The following DNAH8 variants were observed in gnomAD, a reference collection of about 807,000 sequenced individuals.
The protein encoded by DNAH8 is axonemal beta dynein heavy chain 8.
Under a neutral mutation model 562.1 loss-of-function variants are expected in DNAH8, and 382 were observed. The observed-to-expected ratio is 0.68, with a 90% CI of 0.63 to 0.74. The LOEUF is 0.74. Ranked by LOEUF, DNAH8 falls within the 30% of genes least tolerant of loss-of-function variation. DNAH8 has a pLI of 0.00. For synonymous variants in DNAH8, 1,881 were observed against 1,919.4 expected (o/e 0.98, Z 0.52); for missense variants, 5,203 against 5,620.4 (o/e 0.93, Z 2.37).
chr6:38,737,679 G>T (rs1463299014), intron 6 of DNAH8, 130 bp from the exon 7 acceptor site: 1 of 324,010 alleles, frequency 3.1e-6, no homozygotes, highest in Non-Finnish European at 5.0e-6. Flanking sequence ...GAGCTTAAAA[G>T]TACACATTGA....
chr6:38,911,324 C>T, intron 65 of DNAH8, 144 bp from the exon 66 acceptor site: 1 of 702,286 alleles, frequency 1.4e-6, no homozygotes, highest in Non-Finnish European at 2.5e-6. Flanking sequence ...TTTTCCACCT[C>T]ACCTCTGAGA....
At chr6:38,730,382 T>G (rs572978954) in intron 4 of DNAH8, among the ~76,000 whole-genome samples, 38 of 152,330 alleles carry the variant, frequency 2.5e-4, no homozygotes, top group Non-Finnish European at 4.6e-4. Flanking sequence ...AGCTGTCACT[T>G]GGAATAGCTG....
At chr6:38,802,432 T>G (rs1258340911) in intron 21 of DNAH8, among the ~76,000 whole-genome samples, 1 of 152,196 alleles carries the variant, frequency 6.6e-6, no homozygotes, top group Non-Finnish European at 1.5e-5. Context: ...CTAAAATGAG[T>G]GTATTTTGTG....
intron 82 of DNAH8, among the ~76,000 whole-genome samples, chr6:38,963,701 TA>T (rs57470820): frequency 3.0e-3 from 225 of 75,816 alleles, no homozygotes; most frequent in Middle Eastern, 6.3e-3. Flanking sequence ...TTTTTTTTTT[TA>T]AATTTATTTT....
chr6:38,938,612 G>T (rs886290071), intron 78 of DNAH8, among the ~76,000 whole-genome samples, 186 bp from the exon 79 acceptor site: 2 of 152,162 alleles, frequency 1.3e-5, no homozygotes, highest in African/African-American at 4.8e-5. Context: ...TGGGAGGAGG[G>T]AGAGGATCAA....
chr6:38,828,098 A>G (rs1272360718), intron 29 of DNAH8, 86 bp from the exon 30 acceptor site: 15 of 834,396 alleles, frequency 1.8e-5, no homozygotes, highest in Admixed American at 2.5e-5. Context: ...CTTCTAAGAC[A>G]TAGGAATGTG....
At chr6:38,811,364 T>C (rs1738225) in intron 24 of DNAH8, among the ~76,000 whole-genome samples, 46,770 of 152,004 alleles carry the variant, frequency 0.31, 7,462 homozygotes, top group East Asian at 0.43. Flanking sequence ...GACATGTGGT[T>C]ATTTCATATG....
intron 32 of DNAH8, among the ~76,000 whole-genome samples, chr6:38,836,025 A>G (rs1774253304): frequency 6.6e-6 from 1 of 152,108 alleles, no homozygotes; most frequent in Non-Finnish European, 1.5e-5. Flanking sequence ...AATTGGATGG[A>G]TCATGAATTT....
In DNAH8 at chr6:39,030,503, C is replaced by G. The variant is rs771647084; in HGVS notation, c.*111C>G. ...CCCAGTAATTCCTTAATTACTCTTT[C>G]TACATTAAAAAGTTGATGTTCTAAA... On this transcript the variant is annotated 3_prime_UTR_variant, in exon 93 of 93. Transcript: ENST00000327475. The G allele has an allele frequency of 6.2e-6, 6 of 966,612 alleles. No individual in the cohort carries two copies. The highest frequency in any genetic ancestry group is 9.1e-6 in the Non-Finnish European group (6 of 659,984). 59.9% of individuals were successfully genotyped at this position (966,612 alleles called of 1,614,324 possible).
chr6:38,779,087 C>T (rs912161778), intron 14 of DNAH8, among the ~76,000 whole-genome samples: 1 of 152,016 alleles, frequency 6.6e-6, no homozygotes, highest in Non-Finnish European at 1.5e-5. Context: ...TCTCAAAGGG[C>T]GAGGAATCCC....
intron 81 of DNAH8, among the ~76,000 whole-genome samples, chr6:38,950,395 C>G (rs1478080072): frequency 6.6e-6 from 1 of 151,744 alleles, no homozygotes; most frequent in Non-Finnish European, 1.5e-5. Context: ...TCAAGAGTGA[C>G]CAGAACAACG....
At chr6:38,878,863 C>T (rs1287506992) in intron 53 of DNAH8, among the ~76,000 whole-genome samples, 2 of 151,958 alleles carry the variant, frequency 1.3e-5, no homozygotes, top group Non-Finnish European at 2.9e-5. Context: ...ATTTTCAACA[C>T]AAAAAAATGA....
intron 8 of DNAH8, among the ~76,000 whole-genome samples, chr6:38,742,835 A>G (rs1014985431): frequency 2.6e-5 from 4 of 152,042 alleles, no homozygotes; most frequent in South Asian, 2.1e-4. Context: ...TGAGTTTACT[A>G]TGCACAAATG....
Position 38,729,884 on chromosome 6 carries a change from TTC to T in DNAH8, c.526-14_526-13del, listed in dbSNP as rs1207877144. Reference sequence around the variant, plus strand: ...TTTCCTTAGTCGTTTGATTATCATTTTCTCTTTTATTTAACAGCTGGAAGCAT... The same window carrying T: ...TTTCCTTAGTCGTTTGATTATCATTTTCTTTTATTTAACAGCTGGAAGCAT... On this transcript the variant is annotated splice_polypyrimidine_tract_variant and intron_variant, in intron 3 of 92. Transcript: ENST00000327475. The T allele has an allele frequency of 2.2e-6, 3 of 1,373,392 alleles. No homozygotes were observed. The highest frequency in any genetic ancestry group is 3.1e-6 in the Non-Finnish European group (3 of 979,670). The allele number at this position is 1,373,392 out of a possible 1,614,324, so 85.1% of individuals were successfully genotyped here.
rs114401631 is a variant in DNAH8 at position 38,929,576 on chromosome 6, C to T, written c.11184C>T (p.Pro3728=). The T allele has an allele frequency of 8.7e-6, 14 of 1,612,540 alleles. No individual in the cohort carries two copies. In the African/African-American group the frequency reaches 1.7e-4, roughly 20 times the overall value. ...AGGACAGCCTTTCCTTGGGCCGACC[C>T]CTTCTCATTGAGGACATTCATGAAG... ...HLEDSLSLGR[P]LLIEDIHEEL... The change falls in exon 75 of 93, where the codon CCC becomes CCT. Residue 3728 remains proline, a synonymous_variant. Transcript: ENST00000327475.
intron 70 of DNAH8, among the ~76,000 whole-genome samples, chr6:38,918,842 A>G (rs982005786): frequency 3.3e-5 from 5 of 152,096 alleles, no homozygotes; most frequent in African/African-American, 1.2e-4. Context: ...AACAAAGCTA[A>G]AAGTATTATA....
rs916995945 is a variant in DNAH8, at chr6:38,950,806, A to G, written c.12249-512A>G. On this transcript the variant is annotated intron_variant, in intron 81 of 92. Coordinates refer to ENST00000327475, the MANE Select transcript of DNAH8 (RefSeq NM_001206927.2). ...AATCCGTCACTTAAAAATTAGATCT[A>G]TGTCAAATAGTGCAATCTAGTAGCA... Among the ~76,000 whole-genome samples, 4 of 151,626 alleles carry G rather than the reference A, an allele frequency of 2.6e-5. No individual in the cohort carries two copies. In the East Asian group the frequency reaches 5.8e-4, roughly 22 times the overall value.
chr6:38,738,009 T>A lies in DNAH8; in HGVS notation c.1116+37T>A, dbSNP rs769761071. ...CAAACAATTGCATCTGGACTAGTAG[T>A]TTTCATGTGCATCCTAGCCATTGTA... On this transcript the variant is annotated intron_variant, in intron 7 of 92. Coordinates refer to ENST00000327475, the MANE Select transcript of DNAH8 (RefSeq NM_001206927.2). 5 of 1,590,314 alleles carry A rather than the reference T, an allele frequency of 3.1e-6. No individual in the cohort carries two copies. In the South Asian group the frequency reaches 5.6e-5, roughly 18 times the overall value.
intron 7 of DNAH8, among the ~76,000 whole-genome samples, chr6:38,740,888 A>G (rs1197478456): frequency 6.6e-6 from 1 of 152,210 alleles, no homozygotes; most frequent in Non-Finnish European, 1.5e-5. Context: ...TGCTGAAATT[A>G]CAGGTGGGAT....
Sources: gnomAD v4.1 joint callset for allele counts (sites outside exome capture counted in the v4.1 genomes callset) on GRCh38, gnomAD v4.1.1 for gene constraint, MANE v1.5 for transcripts, NCBI Gene and HGNC (gene_info 2026-07-23, HGNC 2026-07-21) for gene names.